Variants in TENM4 observed in about 807,000 individuals in gnomAD.
TENM4 encodes teneurin-4.
Under a neutral mutation model 243.3 loss-of-function variants are expected in TENM4, and 82 were observed. The observed-to-expected ratio is 0.34, with a 90% CI of 0.28 to 0.40. The LOEUF is 0.40. TENM4 is among the 10% of genes least tolerant of loss of function. TENM4 has a pLI of 1.00. For missense variants in TENM4, 3,138 were observed against 3,673.3 expected (o/e 0.85, Z 3.77); for synonymous variants, 1,412 against 1,456.3 (o/e 0.97, Z 0.69).
chr11:79,294,057 C>T (rs1856403969), intron 2 of TENM4, among the ~76,000 whole-genome samples: 1 of 152,218 alleles, frequency 6.6e-6, no homozygotes, highest in Admixed American at 6.5e-5. Flanking sequence ...CATCATATTT[C>T]TCTTTGTCCC....
chr11:79,046,847 C>T (rs151031277), intron 6 of TENM4, among the ~76,000 whole-genome samples: 6 of 152,264 alleles, frequency 3.9e-5, no homozygotes, highest in East Asian at 3.9e-4. Flanking sequence ...TGTGGTACTT[C>T]GTGACAGCAC....
chr11:79,003,751 T>C (rs1178636263), intron 6 of TENM4, among the ~76,000 whole-genome samples: 1 of 152,052 alleles, frequency 6.6e-6, no homozygotes, highest in Non-Finnish European at 1.5e-5. Flanking sequence ...CATAAGTATA[T>C]AGACCATTGA....
intron 16 of TENM4, among the ~76,000 whole-genome samples, chr11:78,781,538 T>G (rs1735758397): frequency 6.6e-6 from 1 of 152,184 alleles, no homozygotes; most frequent in Admixed American, 6.5e-5. Flanking sequence ...TAAAACTTCT[T>G]TCCTTGACTT....
chr11:78,773,203 T>A (rs1856674990), intron 17 of TENM4, among the ~76,000 whole-genome samples: 1 of 152,234 alleles, frequency 6.6e-6, no homozygotes, highest in Non-Finnish European at 1.5e-5. Flanking sequence ...TGCTTTCTTT[T>A]GCTGTAAGAT....
At chr11:79,122,871 C>G (rs1861771447) in intron 4 of TENM4, among the ~76,000 whole-genome samples, 1 of 152,194 alleles carries the variant, frequency 6.6e-6, no homozygotes, top group Non-Finnish European at 1.5e-5. Context: ...CTGGAAAGTA[C>G]AGCAACTGCT....
chr11:79,044,266 A>C (rs115651097), intron 6 of TENM4, among the ~76,000 whole-genome samples: 1,571 of 152,336 alleles, frequency 0.01, 26 homozygotes, highest in African/African-American at 0.036. Flanking sequence ...ACAAACACAA[A>C]CATAAAGAAT....
intron 4 of TENM4, among the ~76,000 whole-genome samples, chr11:79,071,037 T>C (rs1047491626): frequency 6.6e-6 from 1 of 152,154 alleles, no homozygotes; most frequent in Non-Finnish European, 1.5e-5. Context: ...AAGCTCCTAA[T>C]AGCCCTTTCT....
intron 3 of TENM4, among the ~76,000 whole-genome samples, chr11:79,194,003 T>C (rs1208935124): frequency 6.6e-6 from 1 of 152,036 alleles, no homozygotes; most frequent in Non-Finnish European, 1.5e-5. Flanking sequence ...TTCCCACCTG[T>C]TGTGGGAGGG....
chr11:79,114,311 T>G (rs1214756095), intron 4 of TENM4, among the ~76,000 whole-genome samples: 1 of 152,194 alleles, frequency 6.6e-6, no homozygotes, highest in Non-Finnish European at 1.5e-5. Flanking sequence ...AAGTGTCCAC[T>G]GGCTACTTTT....
intron 1 of TENM4, among the ~76,000 whole-genome samples, chr11:79,392,072 C>A (rs1447528476): frequency 1.3e-5 from 2 of 152,212 alleles, no homozygotes; most frequent in Non-Finnish European, 2.9e-5. Flanking sequence ...ACTCCATCAG[C>A]CTGTTCTCAG....
chr11:79,195,494 C>G (rs114554468), intron 3 of TENM4, among the ~76,000 whole-genome samples: 1,680 of 152,300 alleles, frequency 0.011, 28 homozygotes, highest in African/African-American at 0.038. Flanking sequence ...GAACCCAGCT[C>G]TTGCATCAGT....
At chr11:78,666,982 C>T (rs1858173691) in intron 32 of TENM4, among the ~76,000 whole-genome samples, 1 of 151,968 alleles carries the variant, frequency 6.6e-6, no homozygotes, top group Admixed American at 6.6e-5. Context: ...TCCTATTGCA[C>T]CATGTTTTTT....
intron 4 of TENM4, among the ~76,000 whole-genome samples, chr11:79,133,203 T>C (rs1862045973): frequency 6.6e-6 from 1 of 152,062 alleles, no homozygotes; most frequent in Admixed American, 6.5e-5. Flanking sequence ...CAAAAGATCA[T>C]CCAAGGCTAT....
chr11:78,948,578 A>G (rs1042848220), intron 6 of TENM4, among the ~76,000 whole-genome samples: 1 of 152,122 alleles, frequency 6.6e-6, no homozygotes, highest in African/African-American at 2.4e-5. Context: ...TCACAGTGTT[A>G]GCCAGGATGG....
At chr11:79,164,494 G>C (rs1404648113) in intron 3 of TENM4, among the ~76,000 whole-genome samples, 2 of 119,532 alleles carry the variant, frequency 1.7e-5, no homozygotes, top group East Asian at 1.0e-3. Context: ...TATACATATA[G>C]TGTATATATA....
intron 4 of TENM4, among the ~76,000 whole-genome samples, chr11:79,079,881 A>G (rs543514212): frequency 6.6e-6 from 1 of 152,002 alleles, no homozygotes; most frequent in South Asian, 2.1e-4. Flanking sequence ...ATTGAAAACA[A>G]CATCAAAGGT....
chr11:79,124,806 T>G (rs1341303226), intron 4 of TENM4, among the ~76,000 whole-genome samples: 3 of 146,472 alleles, frequency 2.0e-5, no homozygotes, highest in African/African-American at 7.5e-5. Context: ...TGTATATGTA[T>G]GTGTATATAT....
intron 1 of TENM4, among the ~76,000 whole-genome samples, chr11:79,402,344 T>G (rs544066990): frequency 1.3e-5 from 2 of 152,352 alleles, no homozygotes; most frequent in South Asian, 4.1e-4. Flanking sequence ...CAACATATTC[T>G]TCAATTAACA....
chr11:78,948,427 G>A (rs1007373695), intron 6 of TENM4, among the ~76,000 whole-genome samples: 1 of 139,780 alleles, frequency 7.2e-6, no homozygotes, highest in African/African-American at 2.7e-5. Context: ...AGGCTGGAAT[G>A]CAGTGGCAGT....
Sources: gnomAD v4.1 joint callset for allele counts (sites outside exome capture counted in the v4.1 genomes callset) on GRCh38, gnomAD v4.1.1 for gene constraint, MANE v1.5 for transcripts, NCBI Gene and HGNC (gene_info 2026-07-23, HGNC 2026-07-21) for gene names.